Variants in GLIS3 observed in about 807,000 individuals in gnomAD.
The protein encoded by GLIS3 is GLIS family zinc finger 3, also known as zinc finger protein GLIS3.
In GLIS3, 53 loss-of-function variants were observed where a neutral mutation model predicts 78.6. The ratio of observed to expected loss-of-function variants is 0.67; its 90% CI spans 0.54 to 0.85. The LOEUF (loss-of-function observed/expected upper bound fraction) is 0.85. Ranked by LOEUF, GLIS3 falls within the 40% of genes least tolerant of loss-of-function variation. GLIS3 has a pLI of 0.00. For missense variants in GLIS3, 1,703 were observed against 1,231.1 expected (o/e 1.38, Z -5.74); for synonymous variants, 684 against 509.9 (o/e 1.34, Z -4.60).
intron 2 of GLIS3, among the ~76,000 whole-genome samples, chr9:4,196,544 C>T (rs760091299): frequency 6.6e-6 from 1 of 152,164 alleles, no homozygotes; most frequent in Non-Finnish European, 1.5e-5. Flanking sequence ...AGCAAGACCA[C>T]GAACCCACTG....
At chr9:4,265,208 C>A (rs1249999705) in intron 2 of GLIS3, among the ~76,000 whole-genome samples, 2 of 151,714 alleles carry the variant, frequency 1.3e-5, no homozygotes, top group African/African-American at 4.8e-5. Context: ...AATCTTTTGC[C>A]TTCACAAGGT....
At chr9:4,251,332 G>C (rs940352713) in intron 2 of GLIS3, among the ~76,000 whole-genome samples, 1 of 151,658 alleles carries the variant, frequency 6.6e-6, no homozygotes, top group Non-Finnish European at 1.5e-5. Flanking sequence ...TACTCTACTT[G>C]TTGTGTTAAT....
intron 2 of GLIS3, among the ~76,000 whole-genome samples, chr9:4,248,440 T>C (rs929523954): frequency 5.3e-5 from 8 of 152,242 alleles, no homozygotes; most frequent in Admixed American, 3.3e-4. Context: ...TATGGCTGCA[T>C]AGTATTCCAT....
the GLIS3 span, among the ~76,000 whole-genome samples, chr9:4,419,547 G>A: frequency 3.3e-5 from 5 of 152,044 alleles, no homozygotes; most frequent in Non-Finnish European, 5.9e-5. Context: ...CCCAGCATTT[G>A]AGGAGGCCGA....
intron 4 of GLIS3, among the ~76,000 whole-genome samples, chr9:4,108,033 G>C (rs1830910167): frequency 6.6e-6 from 1 of 152,120 alleles, no homozygotes; most frequent in Admixed American, 6.6e-5. Context: ...GGACTCAAAG[G>C]TGAATAATTA....
chr9:4,200,345 T>C (rs1383981752), intron 2 of GLIS3, among the ~76,000 whole-genome samples: 1 of 151,282 alleles, frequency 6.6e-6, no homozygotes, highest in Admixed American at 6.6e-5. Context: ...CAGAAATCCA[T>C]AAAGAATCAG....
At chr9:4,413,649 G>A in the GLIS3 span, among the ~76,000 whole-genome samples, 3 of 152,010 alleles carry the variant, frequency 2.0e-5, no homozygotes, top group African/African-American at 4.8e-5. Flanking sequence ...TGACTTAGGA[G>A]GGAACCCTAG....
chr9:4,330,997 A>G (rs557118245), intron 2 of GLIS3, among the ~76,000 whole-genome samples: 137 of 152,318 alleles, frequency 9.0e-4, no homozygotes, highest in Non-Finnish European at 1.7e-3. Context: ...GCATGTCACC[A>G]TAAGACTGTC....
the GLIS3 span, among the ~76,000 whole-genome samples, chr9:4,384,987 C>G: frequency 6.6e-6 from 1 of 152,312 alleles, no homozygotes; most frequent in South Asian, 2.1e-4. Flanking sequence ...TAATGTTGCC[C>G]AACAGAGGCG....
intron 8 of GLIS3, among the ~76,000 whole-genome samples, chr9:3,875,399 G>A (rs535597530): frequency 6.6e-5 from 10 of 152,068 alleles, no homozygotes; most frequent in Non-Finnish European, 1.5e-4. Flanking sequence ...TAGATGTGGT[G>A]GACCTTTCCT....
chr9:4,213,836 G>T (rs796947958), intron 2 of GLIS3, among the ~76,000 whole-genome samples: 10 of 151,778 alleles, frequency 6.6e-5, no homozygotes, highest in African/African-American at 2.4e-4. Flanking sequence ...AATGGGCCTA[G>T]TAGTGTTCTA....
chr9:4,463,732 G>C, the GLIS3 span, among the ~76,000 whole-genome samples: 1 of 152,174 alleles, frequency 6.6e-6, no homozygotes, highest in Non-Finnish European at 1.5e-5. Context: ...CCTTTTGTCT[G>C]AGCTATTGTC....
chr9:4,005,992 T>C (rs377425474), intron 4 of GLIS3, among the ~76,000 whole-genome samples: 1 of 152,194 alleles, frequency 6.6e-6, no homozygotes, highest in Non-Finnish European at 1.5e-5. Context: ...ATTTGCCATG[T>C]GGACATAACA....
chr9:4,438,431 C>A, the GLIS3 span, among the ~76,000 whole-genome samples: 3 of 152,144 alleles, frequency 2.0e-5, no homozygotes, highest in Non-Finnish European at 4.4e-5. Context: ...AGCTTCCCCA[C>A]CCCGTGATTA....
intron 9 of GLIS3, 80 bp downstream of exon 9, chr9:3,855,929 C>G: frequency 6.7e-7 from 1 of 1,486,622 alleles, no homozygotes; most frequent in Non-Finnish European, 9.4e-7. Flanking sequence ...CATCTGAAAT[C>G]CACGACAGGT....
At chr9:4,158,579 C>T (rs1357178703) in intron 2 of GLIS3, among the ~76,000 whole-genome samples, 1 of 152,162 alleles carries the variant, frequency 6.6e-6, no homozygotes, top group Non-Finnish European at 1.5e-5. Context: ...CAGACTTTTC[C>T]TCATTTTCCT....
the GLIS3 span, among the ~76,000 whole-genome samples, chr9:4,367,256 A>C: frequency 6.6e-6 from 1 of 152,132 alleles, no homozygotes; most frequent in East Asian, 1.9e-4. Flanking sequence ...CTCGCTTTAC[A>C]TTTGTTGAAC....
intron 2 of GLIS3, among the ~76,000 whole-genome samples, chr9:4,166,740 C>T (rs1252927738): frequency 6.6e-6 from 1 of 152,198 alleles, no homozygotes; most frequent in Admixed American, 6.5e-5. Context: ...CTGATGAAGG[C>T]ATAAGTGAAC....
intron 4 of GLIS3, among the ~76,000 whole-genome samples, chr9:4,036,512 G>C (rs1256031329): frequency 6.6e-6 from 1 of 152,084 alleles, no homozygotes; most frequent in Non-Finnish European, 1.5e-5. Flanking sequence ...AATTGGTAAC[G>C]GTTTCTATCA....
Sources: gnomAD v4.1 joint callset for allele counts (sites outside exome capture counted in the v4.1 genomes callset) on GRCh38, gnomAD v4.1.1 for gene constraint, MANE v1.5 for transcripts, NCBI Gene and HGNC (gene_info 2026-07-23, HGNC 2026-07-21) for gene names.